Variants in ZNF469 observed in about 807,000 individuals in gnomAD.
ZNF469 encodes the protein zinc finger protein 469.
Under a neutral mutation model 1.0 loss-of-function variants are expected in ZNF469, and 1 was observed. The observed-to-expected ratio is 1.00, with a 90% CI of 0.35 to 4.73. ZNF469 has a LOEUF of 4.73. Among genes scored for constraint, ZNF469 ranks in the 30% most tolerant of loss-of-function variants. The pLI is 0.16. For missense variants in ZNF469, 6,100 were observed against 5,356.3 expected, an observed-to-expected ratio of 1.14 and a Z score of -4.33; for synonymous variants, 2,703 against 2,363.4, an observed-to-expected ratio of 1.14 and a Z score of -4.17.
chr16:88,366,196 T>TTCATCATCA, the ZNF469 span, among the ~76,000 whole-genome samples: 32 of 121,856 alleles, frequency 2.6e-4, no homozygotes, highest in Admixed American at 3.3e-4. Flanking sequence ...TATAACCATT[T>TTCATCATCA]TCATCATCAT....
At chr16:88,376,542 C>T in the ZNF469 span, among the ~76,000 whole-genome samples, 9 of 152,244 alleles carry the variant, frequency 5.9e-5, no homozygotes, top group Admixed American at 2.0e-4. Context: ...CCCATTCATG[C>T]GCCAGCCGCT....
the ZNF469 span, among the ~76,000 whole-genome samples, chr16:88,257,239 C>T: frequency 1.3e-4 from 19 of 151,660 alleles, no homozygotes; most frequent in Admixed American, 2.0e-4. Context: ...GCTGGGATTA[C>T]GGGCGTGAGC....
the ZNF469 span, among the ~76,000 whole-genome samples, chr16:88,143,988 C>T: frequency 6.6e-6 from 1 of 151,986 alleles, no homozygotes; most frequent in East Asian, 1.9e-4. Context: ...CCATCGTCAG[C>T]GTTTACGAGG....
At chr16:88,324,341 G>T in the ZNF469 span, among the ~76,000 whole-genome samples, 1 of 135,316 alleles carries the variant, frequency 7.4e-6, no homozygotes, top group Non-Finnish European at 1.7e-5. Flanking sequence ...ACCCCTTATG[G>T]GAGGTGGGTG....
the ZNF469 span, among the ~76,000 whole-genome samples, chr16:88,122,240 C>T: frequency 5.4e-5 from 8 of 148,592 alleles, no homozygotes; most frequent in African/African-American, 1.7e-4. Flanking sequence ...ACCTGTCACT[C>T]GCTACAGCCA....
chr16:88,374,218 G>A, the ZNF469 span, among the ~76,000 whole-genome samples: 9 of 152,308 alleles, frequency 5.9e-5, no homozygotes, highest in African/African-American at 1.4e-4. Context: ...AGTGCACAGC[G>A]AGACACAGGA....
At chr16:88,225,497 G>C in the ZNF469 span, among the ~76,000 whole-genome samples, 1 of 152,324 alleles carries the variant, frequency 6.6e-6, no homozygotes, top group Non-Finnish European at 1.5e-5. Context: ...GTGAGGGGCA[G>C]GGAGGGTGGA....
the ZNF469 span, among the ~76,000 whole-genome samples, chr16:88,306,720 G>T: frequency 1.3e-5 from 2 of 152,164 alleles, no homozygotes; most frequent in Admixed American, 1.3e-4. Context: ...CAGCACCAGG[G>T]TCCTTGCTCC....
At chr16:88,131,684 G>C in the ZNF469 span, among the ~76,000 whole-genome samples, 1 of 152,280 alleles carries the variant, frequency 6.6e-6, no homozygotes. Flanking sequence ...CCAGTGCAGG[G>C]AGGGGCCGCT....
chr16:88,214,620 C>T, the ZNF469 span, among the ~76,000 whole-genome samples: 1 of 152,140 alleles, frequency 6.6e-6, no homozygotes, highest in Admixed American at 6.5e-5. Context: ...CCGTCATCTA[C>T]ATTAGGTATT....
At chr16:88,379,280 C>G (rs1441852193), upstream of ZNF469, among the ~76,000 whole-genome samples, 1 of 152,088 alleles carries the variant, frequency 6.6e-6, no homozygotes. Flanking sequence ...GTGGGTAAGT[C>G]TAGTCAGCAG....
chr16:88,436,233 C>A lies in ZNF469; in HGVS notation c.8763C>A (p.Cys2921Ter). The A allele has an allele frequency of 1.3e-6, 2 of 1,549,386 alleles. No homozygotes were observed. Among genetic ancestry groups the A allele is most frequent in the Non-Finnish European group, 1.7e-6 (2 of 1,146,884 alleles). ...DLSDSSSLCL[C>*]HEDPWEDEDP... ...GCGACTCCAGCTCCCTCTGCCTCTG[C>A]CATGAGGACCCGTGGGAGGACGAGG... The change falls in exon 3 of 3, where the codon TGC becomes TGA. Residue 2921 changes from cysteine (C) to a stop codon, truncating the protein, a stop_gained. Coordinates refer to ENST00000565624, the MANE Select transcript of ZNF469 (RefSeq NM_001367624.2). LOFTEE classifies it low-confidence loss of function (END_TRUNC).
the ZNF469 span, among the ~76,000 whole-genome samples, chr16:88,323,737 G>A: frequency 2.6e-5 from 4 of 152,196 alleles, no homozygotes; most frequent in East Asian, 1.9e-4. Context: ...GCCCATGACC[G>A]GTAATGGCCG....
At chr16:88,115,673 C>T in the ZNF469 span, among the ~76,000 whole-genome samples, 3 of 150,178 alleles carry the variant, frequency 2.0e-5, no homozygotes, top group African/African-American at 7.4e-5. Flanking sequence ...CCTCTGGAGG[C>T]TCTGGGCCCT....
chr16:88,205,957 G>GT, the ZNF469 span, among the ~76,000 whole-genome samples: 2 of 110,144 alleles, frequency 1.8e-5, no homozygotes, highest in Non-Finnish European at 1.8e-5. The surrounding 1 kb of genome is among the most constrained non-coding windows in gnomAD (Gnocchi z 4.2). Context: ...TTCAGAGGAA[G>GT]GGGGGGGCCC....
the ZNF469 span, among the ~76,000 whole-genome samples, chr16:88,229,822 G>T: frequency 6.6e-6 from 1 of 152,166 alleles, no homozygotes; most frequent in Non-Finnish European, 1.5e-5. Context: ...ACTCTGCCCC[G>T]CTGTGGTCCA....
the ZNF469 span, among the ~76,000 whole-genome samples, chr16:88,242,799 G>C: frequency 1.3e-5 from 2 of 152,266 alleles, no homozygotes; most frequent in Non-Finnish European, 2.9e-5. Context: ...CTAAAGCCCA[G>C]GGTGTTTACA....
At chr16:88,116,105 C>A in the ZNF469 span, among the ~76,000 whole-genome samples, 2 of 152,310 alleles carry the variant, frequency 1.3e-5, no homozygotes, top group African/African-American at 4.8e-5. Flanking sequence ...GGGGTCCAGA[C>A]TGTATAGAGA....
the ZNF469 span, among the ~76,000 whole-genome samples, chr16:88,157,710 G>C: frequency 2.6e-5 from 4 of 152,218 alleles, no homozygotes; most frequent in South Asian, 6.2e-4. Flanking sequence ...CCCCGCTCCT[G>C]GTGGCCTCCT....
Sources: allele counts gnomAD v4.1 joint callset (sites outside exome capture counted in the v4.1 genomes callset), GRCh38; gene constraint gnomAD v4.1.1; non-coding constraint Gnocchi (gnomAD v3.1); transcripts MANE v1.5; gene names NCBI Gene and HGNC (gene_info 2026-07-23, HGNC 2026-07-21).